Variants in EOLA2 observed in about 807,000 individuals in gnomAD.
EOLA2 encodes the protein endothelium and lymphocyte associated ASCH domain 2, also known as protein EOLA2.
EOLA2 carries 3 observed loss-of-function variants against 4.1 expected under a neutral mutation model. The observed-to-expected ratio is 0.73, with a 90% confidence interval of 0.33 to 1.89. The LOEUF (loss-of-function observed/expected upper bound fraction) is 1.89. Ranked by LOEUF, EOLA2 falls within the 40% of genes most tolerant of loss-of-function variation. The pLI is 0.08. For missense variants in EOLA2, 109 were observed against 126.4 expected (o/e 0.86, Z 0.66); for synonymous variants, 52 against 51.7 (o/e 1.01, Z -0.03).
intron 2 of EOLA2, among the ~76,000 whole-genome samples, chrX:149,935,693 G>A (rs1403064938): frequency 1.9e-5 from 2 of 104,417 alleles, no homozygotes; most frequent in African/African-American, 3.6e-5. Flanking sequence ...TCTGAATCCC[G>A]TGGTGCAGGC....
In EOLA2 at chrX:149,938,399, C is replaced by T. The variant is rs1272917980; in HGVS notation, c.-417G>A. ...CTGTAAGGTAGCTGCCGCTTACTCC[C>T]GGAAACCGGTGGCCAGTGACAGATG... On this transcript the variant is annotated 5_prime_UTR_variant, in exon 1 of 5. Transcript: ENST00000370406. 2 of 112,980 alleles carry T rather than the reference C, an allele frequency of 1.8e-5. No homozygotes were observed. The highest frequency in any genetic ancestry group is 6.4e-5 in the African/African-American group (2 of 31,139). The allele number at this position is 112,980 out of a possible 1,213,427, so 9.3% of individuals were successfully genotyped here.
downstream of EOLA2, chrX:149,931,344 C>A (rs1569562121): frequency 7.3e-6 from 2 of 272,347 alleles, no homozygotes; most frequent in Admixed American, 6.9e-5. Context: ...TTGGCAGAAA[C>A]CAGGGGAGGC....
chrX:149,935,164 G>A (rs1256990479), intron 2 of EOLA2, among the ~76,000 whole-genome samples: 1 of 90,372 alleles, frequency 1.1e-5, no homozygotes, highest in Non-Finnish European at 2.2e-5. Flanking sequence ...ATGAGACAAA[G>A]CCCTGATAGG....
chrX:149,935,744 C>T (rs1433716720), intron 2 of EOLA2, among the ~76,000 whole-genome samples: 2 of 104,464 alleles, frequency 1.9e-5, no homozygotes, highest in Non-Finnish European at 3.9e-5. Flanking sequence ...CAGGCCCATA[C>T]ATACTCAGGA....
chrX:149,930,368 C>T (rs782160811), downstream of EOLA2, among the ~76,000 whole-genome samples: 1 of 111,924 alleles, frequency 8.9e-6, no homozygotes, highest in South Asian at 3.8e-4. Context: ...CATATTACCT[C>T]TACGGGGTTG....
rs782004759 is a variant in EOLA2 at position 149,933,738 on chromosome X, C to G, written c.137G>C (p.Arg46Thr). The G allele has an allele frequency of 2.1e-5, 25 of 1,206,982 alleles. No homozygotes were observed. The highest frequency in any genetic ancestry group is 2.7e-5 in the Non-Finnish European group (24 of 894,842). Reference sequence around the variant, plus strand: ...CCGACAGGCATCGCCTTCCCAGTCCCTGTGAGCAATGTGGACGGCGATGGT... The same window carrying G: ...CCGACAGGCATCGCCTTCCCAGTCCGTGTGAGCAATGTGGACGGCGATGGT... ...NCTIAVHIAH[R>T]DWEGDACREL... Residue 46 changes from arginine (R) to threonine (T), a missense_variant, in exon 4 of 5, where the codon AGG (arginine) becomes ACG (threonine). Physicochemically the swap from Arg to Thr is moderately conservative, Grantham distance 71 (BLOSUM62 -1). Transcript: ENST00000370406.
chrX:149,938,138 G>C (rs1304130654), intron 1 of EOLA2, 55 bp downstream of exon 1: 1 of 113,557 alleles, frequency 8.8e-6, no homozygotes, highest in African/African-American at 3.2e-5. Flanking sequence ...CAGCCCGCAA[G>C]TACCGTCTGC....
intron 2 of EOLA2, chrX:149,934,393 C>G: frequency 1.4e-6 from 1 of 714,541 alleles, no homozygotes; most frequent in African/African-American, 2.3e-5. Context: ...AGCTCCTACT[C>G]CAGGGCTGCT....
Position 149,932,338 on chromosome X carries a change from T to G in EOLA2, c.*206A>C. 4.3e-6 allele frequency: 4 copies of G among 935,225 alleles called. No homozygotes were observed. The highest frequency in any genetic ancestry group is 4.2e-4 in the Middle Eastern group (1 of 2,379). 77.1% of individuals were successfully genotyped at this position (935,225 alleles called of 1,213,427 possible). Reference sequence around the variant, plus strand: ...CATTGCCTGTGTGCCTAAGGAGGCATCACACAAGGAAAGCCCCACCCCCTA... The same window carrying G: ...CATTGCCTGTGTGCCTAAGGAGGCAGCACACAAGGAAAGCCCCACCCCCTA... On this transcript the variant is annotated 3_prime_UTR_variant, in exon 5 of 5. Transcript: ENST00000370406.
intron 2 of EOLA2, among the ~76,000 whole-genome samples, chrX:149,936,758 T>G (rs1557376197): frequency 9.1e-6 from 1 of 109,886 alleles, no homozygotes; most frequent in Non-Finnish European, 1.9e-5. Flanking sequence ...CTTGGCAAAC[T>G]GCTGTTCCCA....
chrX:149,935,638 A>C, intron 2 of EOLA2, among the ~76,000 whole-genome samples: 1 of 97,671 alleles, frequency 1.0e-5, no homozygotes. Context: ...GGCTGGGCAC[A>C]CTCCTTCCCT....
At chrX:149,937,221 C>T (rs1374114561) in intron 2 of EOLA2, among the ~76,000 whole-genome samples, 3 of 112,208 alleles carry the variant, frequency 2.7e-5, no homozygotes, top group African/African-American at 9.7e-5. Flanking sequence ...GGCTGAATGT[C>T]CCCCACAGGG....
At chrX:149,934,855 G>T (rs2090953808) in intron 2 of EOLA2, among the ~76,000 whole-genome samples, 1 of 112,386 alleles carries the variant, frequency 8.9e-6, no homozygotes, top group Admixed American at 9.4e-5. Flanking sequence ...CCTGTGCCTT[G>T]GAAGGAACCC....
chrX:149,933,733 A>G lies in EOLA2; in HGVS notation c.142T>C (p.Trp48Arg), dbSNP rs782373075. 8.3e-7 allele frequency: 1 copy of G among 1,208,284 alleles called. No individual in the cohort carries two copies. Among genetic ancestry groups the G allele is most frequent in the East Asian group, 3.0e-5 (1 of 33,792 alleles). The change falls in exon 4 of 5, where the codon TGG becomes CGG. Residue 48 changes from tryptophan to arginine, a missense_variant. By Grantham distance (101) the Trp-to-Arg change is moderately radical. Transcript: ENST00000370406. The stretch of plus-strand genomic sequence containing the variant: ...AGCTCCCGACAGGCATCGCCTTCCC[A>G]GTCCCTGTGAGCAATGTGGACGGCG... ...TIAVHIAHRD[W>R]EGDACRELLV...
intron 2 of EOLA2, among the ~76,000 whole-genome samples, chrX:149,935,663 C>T (rs1211715479): frequency 2.9e-5 from 3 of 104,182 alleles, no homozygotes; most frequent in Middle Eastern, 4.9e-3. Flanking sequence ...CTGGGACCCC[C>T]ATGTTGCTCA....
rs368383314 is a variant in EOLA2, at chrX:149,932,785, T to C, written c.254-18A>G. On this transcript the variant is annotated intron_variant, in intron 4 of 4. Transcript: ENST00000370406. ...AACGAGTCCTGTACACAAAGAGAGA[T>C]ACACATGAATGCCTTTCACTTCCAT... 5.5e-4 allele frequency: 640 copies of C among 1,172,513 alleles called. 13 individuals carry two copies. In the African/African-American group the frequency reaches 0.01, roughly 19 times the overall value.
At chrX:149,931,314 T>C, downstream of EOLA2, 1 of 364,485 alleles carries the variant, frequency 2.7e-6, no homozygotes, top group Non-Finnish European at 4.2e-6. Flanking sequence ...TTTTTAACCT[T>C]CTATATTATA....
chrX:149,934,119 C>T lies in EOLA2; in HGVS notation c.-144G>A, dbSNP rs1206411205. ...ATCCCATGGAGTCTTTGGGGCGGTC[C>T]GGAGTAGGGCGGGGACAGCTAGAGG... On this transcript the variant is annotated 5_prime_UTR_variant, in exon 3 of 5. Transcript: ENST00000370406. 20 of 1,055,725 alleles carry T rather than the reference C, an allele frequency of 1.9e-5. No homozygotes were observed. In the East Asian group the frequency reaches 2.8e-4, roughly 15 times the overall value. 87.0% of individuals were successfully genotyped at this position (1,055,725 alleles called of 1,213,427 possible).
downstream of EOLA2, chrX:149,932,146 A>T: frequency 2.6e-6 from 2 of 770,644 alleles, no homozygotes; most frequent in Non-Finnish European, 3.1e-6. Flanking sequence ...ATGAGTTTTG[A>T]CCAGAACAAA....
Sources: allele counts gnomAD v4.1 joint callset (sites outside exome capture counted in the v4.1 genomes callset), GRCh38; gene constraint gnomAD v4.1.1; transcripts MANE v1.5; gene names NCBI Gene and HGNC (gene_info 2026-07-23, HGNC 2026-07-21).